CAMKK1: variants seen among roughly 807,000 people sequenced by gnomAD.
The protein encoded by CAMKK1 is calcium/calmodulin-dependent protein kinase kinase 1.
CAMKK1 carries 20 observed loss-of-function variants against 63.5 expected under a neutral mutation model. The ratio of observed to expected loss-of-function variants is 0.32; its 90% CI spans 0.22 to 0.46. CAMKK1 has a LOEUF of 0.46. CAMKK1 is among the 20% of genes least tolerant of loss of function. The pLI, the probability that CAMKK1 is intolerant of heterozygous loss-of-function variation, is 1.00. For missense variants in CAMKK1, 588 were observed against 658.1 expected, an observed-to-expected ratio of 0.89 and a Z score of 1.17; for synonymous variants, 253 against 269.0, an observed-to-expected ratio of 0.94 and a Z score of 0.58.
Position 3,872,571 on chromosome 17 carries a change from G to A in CAMKK1, c.1107C>T (p.Pro369=), listed in dbSNP as rs771406765. The change falls in exon 12 of 16, where the codon CCC becomes CCT. Residue 369 remains proline (P), a synonymous_variant. Coordinates refer to ENST00000348335, the MANE Select transcript of CAMKK1 (RefSeq NM_032294.3). ...CAACTCACTCCTCAGGAAACACCACGGGCTCATTCTTGATCTTCCTGTGGA... is the reference window on the plus strand; with the variant it reads ...CAACTCACTCCTCAGGAAACACCACAGGCTCATTCTTGATCTTCCTGTGGA... The part of the protein sequence containing the change: ...LALHRKIKNE[P]VVFPEEPEIS... 1.1e-5 allele frequency: 18 copies of A among 1,613,786 alleles called. No individual in the cohort carries two copies. Among genetic ancestry groups the A allele is most frequent in the Admixed American group, 1.7e-5 (1 of 59,990 alleles).
Position 3,862,016 on chromosome 17 carries a change from G to T in CAMKK1, c.*195C>A. ...GGCCTCGTGGGAGCCCTGCCCCCAAGACCCCAAATGACATACATTCCAGTC... is the reference window on the plus strand; with the variant it reads ...GGCCTCGTGGGAGCCCTGCCCCCAATACCCCAAATGACATACATTCCAGTC... On this transcript the variant is annotated 3_prime_UTR_variant, in exon 16 of 16. Transcript: ENST00000348335. The surrounding 1 kb of genome is among the most constrained non-coding windows in gnomAD (Gnocchi z 4.1). 1 of 594,272 alleles carries T rather than the reference G, an allele frequency of 1.7e-6. No individual in the cohort carries two copies. The highest frequency in any genetic ancestry group is 2.9e-5 in the Admixed American group (1 of 34,546). 36.8% of individuals were successfully genotyped at this position (594,272 alleles called of 1,614,324 possible).
chr17:3,875,284 C>T (rs1407340471), intron 10 of CAMKK1, among the ~76,000 whole-genome samples: 1 of 152,098 alleles, frequency 6.6e-6, no homozygotes, highest in African/African-American at 2.4e-5. Context: ...TTATCAACAT[C>T]CCCAACGTCT....
At position 3,885,312 on chromosome 17, in the gene CAMKK1, G is replaced by A. The variant is rs775416007; in HGVS notation, c.360+16C>T. 8.6e-5 allele frequency: 135 copies of A among 1,568,900 alleles called. No homozygotes were observed. The highest frequency in any genetic ancestry group is 1.1e-4 in the Non-Finnish European group (126 of 1,154,864). On this transcript the variant is annotated intron_variant, in intron 2 of 15. Coordinates refer to ENST00000348335, the MANE Select transcript of CAMKK1 (RefSeq NM_032294.3). ...CTGAGGGGCTCATGAACAACCCCTC[G>A]TTCTGCCCCACCAACCTCTGCATCT...
At chr17:3,877,975 A>G (rs1043833905) in intron 9 of CAMKK1, among the ~76,000 whole-genome samples, 3 of 152,238 alleles carry the variant, frequency 2.0e-5, no homozygotes, top group African/African-American at 7.2e-5. Context: ...CACCAACAAA[A>G]TCAAAACAAA....
intron 15 of CAMKK1, among the ~76,000 whole-genome samples, chr17:3,864,413 A>AT (rs1416324664): frequency 6.6e-6 from 1 of 151,590 alleles, no homozygotes; most frequent in Non-Finnish European, 1.5e-5. Flanking sequence ...CGCCCAGCTG[A>AT]TTTTTTGTAT....
Position 3,868,431 on chromosome 17 carries a change from C to CCCAT in CAMKK1, c.1341+1055_1341+1056insATGG, listed in dbSNP as rs1567613860. 7.7e-4 allele frequency among the ~76,000 whole-genome samples: 67 copies of CCCAT among 86,864 alleles called. 1 individual carries two copies. Among genetic ancestry groups the CCCAT allele is most frequent in the Admixed American group, 3.9e-3 (34 of 8,666 alleles). The allele number at this position is 86,864 out of a possible 152,430, so 57.0% of individuals were successfully genotyped here. A position where few individuals can be genotyped will look rare whatever the true frequency, so the allele number is the denominator to read the frequency against. On this transcript the variant is annotated intron_variant, in intron 14 of 15. Transcript: ENST00000348335. The stretch of plus-strand genomic sequence containing the variant: ...GGCTCTGGGGGAGACACAGGTGCTG[C>CCCAT]CTAACTGATACGTGGGCTCTGGGGG...
At chr17:3,885,822 C>T in intron 1 of CAMKK1, 92 bp from the exon 2 acceptor site, 2 of 1,304,352 alleles carry the variant, frequency 1.5e-6, no homozygotes, top group Admixed American at 2.3e-5. Context: ...CACCTCCATG[C>T]CTTTGCCCTG....
chr17:3,872,762 T>A (rs908866124), intron 11 of CAMKK1, 135 bp from the exon 12 acceptor site: 2 of 680,032 alleles, frequency 2.9e-6, no homozygotes, highest in African/African-American at 3.5e-5. Context: ...GGACCTCAAC[T>A]CACACTGTAA....
intron 9 of CAMKK1, chr17:3,878,809 CATTT>C (rs10570698): frequency 0.54 from 81,286 of 150,996 alleles, 22,830 homozygotes; most frequent in East Asian, 0.77. Flanking sequence ...TGTATGTATG[CATTT>C]ATTTATTTAT....
intron 10 of CAMKK1, 73 bp downstream of exon 10, chr17:3,876,150 G>C: frequency 7.0e-7 from 1 of 1,425,624 alleles, no homozygotes. Flanking sequence ...CCTCAGGTTA[G>C]AAACTGGGCC....
intron 9 of CAMKK1, 70 bp downstream of exon 9, chr17:3,880,276 T>A: frequency 7.5e-7 from 1 of 1,334,926 alleles, no homozygotes; most frequent in Non-Finnish European, 1.1e-6. Flanking sequence ...CAGAGTCTGC[T>A]CAGCCTGGGC....
At chr17:3,869,777 G>C (rs1454484342) in intron 13 of CAMKK1, 24 bp downstream of exon 13, 2 of 1,610,374 alleles carry the variant, frequency 1.2e-6, no homozygotes, top group Non-Finnish European at 1.7e-6. Flanking sequence ...TCCCAGCCCA[G>C]CCCAAGACCC....
chr17:3,861,620 G>A lies in CAMKK1; in HGVS notation c.*591C>T, dbSNP rs768925111. On this transcript the variant is annotated 3_prime_UTR_variant, in exon 16 of 16. Coordinates refer to ENST00000348335, the MANE Select transcript of CAMKK1 (RefSeq NM_032294.3). ...AGCAGGGCCTCTCCCCGAACCCCCA[G>A]GTTAAAAACAAAAGTAAAAGACAAC... The A allele has an allele frequency of 8.5e-5, 13 of 153,228 alleles. No homozygotes were observed. The highest frequency in any genetic ancestry group is 2.6e-4 in the Admixed American group (4 of 15,476). The allele number at this position is 153,228 out of a possible 1,614,324, so 9.5% of individuals were successfully genotyped here.
chr17:3,880,312 C>T (rs759894076), intron 9 of CAMKK1, 34 bp downstream of exon 9: 4 of 1,586,486 alleles, frequency 2.5e-6, no homozygotes, highest in Admixed American at 3.3e-5. Flanking sequence ...ATCCCCTAGC[C>T]CCAGCCCCAG....
rs751731795 is a variant in CAMKK1, at chr17:3,884,621, A to G, written c.361-194T>C. Among the ~76,000 whole-genome samples, 15 of 152,226 alleles carry G rather than the reference A, an allele frequency of 9.9e-5. No homozygotes were observed. Among genetic ancestry groups the G allele is most frequent in the Non-Finnish European group, 5.9e-5 (4 of 68,048 alleles). On this transcript the variant is annotated intron_variant, in intron 2 of 15. Transcript: ENST00000348335. The surrounding 1 kb of genome is among the most constrained non-coding windows in gnomAD (Gnocchi z 4.5). ...CGTATGTGACGAGAAGACGTGGCTC[A>G]TGTTTGAAAACATGGATGGTGACGC...
chr17:3,890,794 C>T lies in CAMKK1; in HGVS notation c.-44+2145G>A. 1 of 779,744 alleles carries T rather than the reference C, an allele frequency of 1.3e-6. No homozygotes were observed. The highest frequency in any genetic ancestry group is 1.7e-5 in the Admixed American group (1 of 59,040). The allele number at this position is 779,744 out of a possible 1,614,324, so 48.3% of individuals were successfully genotyped here. On this transcript the variant is annotated intron_variant, in intron 1 of 15. Transcript: ENST00000348335. This position sits in a 1 kb window ranked among gnomAD's most constrained non-coding sequence, Gnocchi z 6.5. ...TTCTGCCAGGAACACACCTCCCTCT[C>T]CTCTGCTGCCTGGAGGACAGCTCAG... is the stretch of plus-strand genomic sequence containing the variant.
intron 8 of CAMKK1, among the ~76,000 whole-genome samples, chr17:3,880,906 T>C (rs1455938966): frequency 2.0e-5 from 3 of 152,218 alleles, no homozygotes; most frequent in African/African-American, 7.2e-5. Flanking sequence ...AAATATATAT[T>C]TCTTGTTTTG....
At chr17:3,865,324 C>T (rs2054476066) in intron 15 of CAMKK1, 2 of 987,182 alleles carry the variant, frequency 2.0e-6, no homozygotes, top group African/African-American at 3.5e-5. Context: ...CTCCCGTGGT[C>T]CACCGGCCAG....
At chr17:3,864,269 C>T (rs538936101) in intron 15 of CAMKK1, among the ~76,000 whole-genome samples, 68 of 150,706 alleles carry the variant, frequency 4.5e-4, no homozygotes, top group Non-Finnish European at 7.1e-4. Flanking sequence ...TTTTTTGAGA[C>T]GGAGTCTCAC....
Sources: allele counts gnomAD v4.1 joint callset (sites outside exome capture counted in the v4.1 genomes callset), GRCh38; gene constraint gnomAD v4.1.1; non-coding constraint Gnocchi (gnomAD v3.1); transcripts MANE v1.5; gene names NCBI Gene and HGNC (gene_info 2026-07-23, HGNC 2026-07-21).